PRG2: variants seen among roughly 807,000 people sequenced by gnomAD.
The protein encoded by PRG2 is proteoglycan 2, pro eosinophil major basic protein.
Under a neutral mutation model 24.7 loss-of-function variants are expected in PRG2, and 23 were observed. The observed-to-expected ratio is 0.93, with a 90% CI of 0.67 to 1.32. PRG2 has a LOEUF of 1.32. PRG2 is among the 40% of genes most tolerant of loss of function. PRG2 has a pLI of 0.00. For synonymous variants in PRG2, 104 were observed against 99.8 expected (o/e 1.04, Z -0.25); for missense variants, 271 against 280.9 (o/e 0.96, Z 0.25).
intron 1 of PRG2, 142 bp downstream of exon 1, chr11:57,390,453 GA>G: frequency 2.8e-6 from 1 of 359,024 alleles, no homozygotes; most frequent in Non-Finnish European, 3.9e-6. Context: ...GGCAGAGGAT[GA>G]AGGCTGCCCC....
At chr11:57,388,443 T>G in intron 4 of PRG2, 134 bp downstream of exon 4, 1 of 1,345,456 alleles carries the variant, frequency 7.4e-7, no homozygotes, top group Non-Finnish European at 1.0e-6. Flanking sequence ...GCCCCCTCAG[T>G]GTTGTCTGTG....
chr11:57,389,357 C>T (rs1590658322), intron 2 of PRG2, 40 bp from the exon 3 acceptor site: 2 of 1,577,226 alleles, frequency 1.3e-6, no homozygotes, highest in Non-Finnish European at 1.7e-6. Flanking sequence ...CTTCACATCT[C>T]CCCTTGTTCC....
Position 57,389,111 on chromosome 11 carries a change from A to C in PRG2, c.265T>G (p.Cys89Gly). Residue 89 changes from cysteine (C) to glycine (G), a missense_variant, in exon 3 of 6, where the codon TGT becomes GGT. Coordinates refer to ENST00000311862, the MANE Select transcript of PRG2 (RefSeq NM_002728.6). The part of the protein sequence containing the change: ...VPDMVDKNLT[C>G]PEEEDTVKVV... ...TTTACTGTGTCCTCTTCCTCAGGACACGTAAGGTTTTTGTCCACCATATCT... is the reference window on the plus strand; with the variant it reads ...TTTACTGTGTCCTCTTCCTCAGGACCCGTAAGGTTTTTGTCCACCATATCT... 1 of 1,614,122 alleles carries C rather than the reference A, an allele frequency of 6.2e-7. No homozygotes were observed. Among genetic ancestry groups the C allele is most frequent in the Non-Finnish European group, 8.5e-7 (1 of 1,180,022 alleles).
rs1179666894 is a variant in PRG2 at position 57,389,022 on chromosome 11, A to G, written c.354T>C (p.Phe118=). 2 of 1,613,700 alleles carry G rather than the reference A, an allele frequency of 1.2e-6. No homozygotes were observed. The highest frequency in any genetic ancestry group is 2.2e-5 in the East Asian group (1 of 44,894). Residue 118 remains phenylalanine, a synonymous_variant, in exon 3 of 6, where the codon TTT becomes TTC. Coordinates refer to ENST00000311862, the MANE Select transcript of PRG2 (RefSeq NM_002728.6). ...ATAGGCCACTCACCCAAGCTTGACT[A>G]AACGTCTGAAGACTTCTCACCAGGA... ...RYLLVRSLQT[F]SQAWFTCRRC... is the part of the protein sequence containing the mutation.
intron 1 of PRG2, among the ~76,000 whole-genome samples, chr11:57,390,192 T>A (rs774992208): frequency 1.3e-4 from 20 of 152,202 alleles, no homozygotes; most frequent in Non-Finnish European, 2.5e-4. Context: ...TGAGGCTGGC[T>A]TTCCTTCAGG....
chr11:57,387,422 G>A lies in PRG2; in HGVS notation c.*53C>T. 2 of 1,500,358 alleles carry A rather than the reference G, an allele frequency of 1.3e-6. No individual in the cohort carries two copies. The highest frequency in any genetic ancestry group is 9.2e-7 in the Non-Finnish European group (1 of 1,092,174). The allele number at this position is 1,500,358 out of a possible 1,614,324, so 92.9% of individuals were successfully genotyped here. On this transcript the variant is annotated 3_prime_UTR_variant, in exon 6 of 6. Transcript: ENST00000311862. ...GGAGGGAGGGATGGCAAGCAGAGGAGGGGAGGCAGCTGCCCAGGAGAGGGC... is the reference window on the plus strand; with the variant it reads ...GGAGGGAGGGATGGCAAGCAGAGGAAGGGAGGCAGCTGCCCAGGAGAGGGC...
rs142628389 is a variant in PRG2, at chr11:57,389,228, G to T, written c.148C>A (p.Pro50Thr). 385 of 1,613,988 alleles carry T rather than the reference G, an allele frequency of 2.4e-4. No homozygotes were observed. Among genetic ancestry groups the T allele is most frequent in the Non-Finnish European group, 3.0e-4 (353 of 1,180,046 alleles). The change falls in exon 3 of 6, where the codon CCT becomes ACT. Residue 50 changes from proline (P) to threonine (T), a missense_variant. Transcript: ENST00000311862. The part of the protein sequence containing the change: ...ETPEQEMEET[P>T]CRELEEEEEW... Reference sequence around the variant, plus strand: ...TCCTCTTCCTCCAGCTCCCTGCAAGGGGTCTCCTCCATCTCCTGCTCTGGT... The same window carrying T: ...TCCTCTTCCTCCAGCTCCCTGCAAGTGGTCTCCTCCATCTCCTGCTCTGGT...
At position 57,388,492 on chromosome 11, in the gene PRG2, G is replaced by A. The variant is rs1441338421; in HGVS notation, c.498+85C>T. On this transcript the variant is annotated intron_variant, in intron 4 of 5. Transcript: ENST00000311862. ...CCCTGGTTCTTCTGGAGATTATACA[G>A]GAGAAAAACAGACAAATCTGATGCA... 3.2e-6 allele frequency: 5 copies of A among 1,572,486 alleles called. No individual in the cohort carries two copies. In the African/African-American group the frequency reaches 4.0e-5, roughly 13 times the overall value.
At chr11:57,389,468 CA>C in intron 2 of PRG2, 151 bp from the exon 3 acceptor site, 1 of 888,868 alleles carries the variant, frequency 1.1e-6, no homozygotes, top group Admixed American at 2.9e-5. Context: ...GAGGGGAACC[CA>C]AGCTGCCTGA....
At position 57,387,342 on chromosome 11, in the gene PRG2, G is replaced by A. The variant is rs878986902; in HGVS notation, c.*133C>T. ...TGAGGGCTAAGCAGAGTGGATCCGC[G>A]ATCAGAGGAGAAAATAAATCCATTT... is the stretch of plus-strand genomic sequence containing the variant. On this transcript the variant is annotated 3_prime_UTR_variant, in exon 6 of 6. Coordinates refer to ENST00000311862, the MANE Select transcript of PRG2 (RefSeq NM_002728.6). 84 of 773,726 alleles carry A rather than the reference G, an allele frequency of 1.1e-4. No individual in the cohort carries two copies. In the South Asian group the frequency reaches 1.3e-3, roughly 12 times the overall value. The allele number at this position is 773,726 out of a possible 1,614,324, so 47.9% of individuals were successfully genotyped here.
chr11:57,387,613 C>A, intron 5 of PRG2, 80 bp from the exon 6 acceptor site: 6 of 1,458,166 alleles, frequency 4.1e-6, no homozygotes, highest in East Asian at 2.3e-5. Flanking sequence ...TTTTCCCACC[C>A]ACACACTGCT....
chr11:57,389,234 C>T lies in PRG2; in HGVS notation c.142G>A (p.Glu48Lys). ...TCCTCCAGCTCCCTGCAAGGGGTCT[C>T]CTCCATCTCCTGCTCTGGTGTCTCC... Reference protein sequence around the residue: ...DEETPEQEMEETPCRELEEEE... With the variant: ...DEETPEQEMEKTPCRELEEEE... The change falls in exon 3 of 6, where the codon GAG becomes AAG. Residue 48 changes from glutamate to lysine, a missense_variant. Coordinates refer to ENST00000311862, the MANE Select transcript of PRG2 (RefSeq NM_002728.6). 1 of 1,614,244 alleles carries T rather than the reference C, an allele frequency of 6.2e-7. No homozygotes were observed. The highest frequency in any genetic ancestry group is 8.5e-7 in the Non-Finnish European group (1 of 1,180,058).
chr11:57,387,627 G>A, intron 5 of PRG2, 94 bp from the exon 6 acceptor site: 1 of 1,413,796 alleles, frequency 7.1e-7, no homozygotes, highest in South Asian at 1.3e-5. Context: ...CACTGCTGTG[G>A]AGTCAGAGTA....
At chr11:57,389,359 C>T (rs780450365) in intron 2 of PRG2, 42 bp from the exon 3 acceptor site, 10 of 1,573,412 alleles carry the variant, frequency 6.4e-6, no homozygotes, top group Non-Finnish European at 8.6e-6. Context: ...TCACATCTCC[C>T]CTTGTTCCTC....
Position 57,387,792 on chromosome 11 carries a change from C to A in PRG2, c.572G>T (p.Trp191Leu). ...NFAYWAAHQP[W>L]SRGGHCVALC... ...GGCCACGCAGTGACCACCGCGGGAC[C>A]AGGGCTGGTGAGCAGCCCAGTATGC... The change falls in exon 5 of 6, where the codon TGG becomes TTG. Residue 191 changes from tryptophan (W) to leucine (L), a missense_variant. Coordinates refer to ENST00000311862, the MANE Select transcript of PRG2 (RefSeq NM_002728.6). The A allele has an allele frequency of 6.3e-7, 1 of 1,593,300 alleles. No homozygotes were observed. The highest frequency in any genetic ancestry group is 8.5e-7 in the Non-Finnish European group (1 of 1,170,648).
At position 57,389,150 on chromosome 11, in the gene PRG2, A is replaced by G; in HGVS notation, c.226T>C (p.Ser76Pro). The G allele has an allele frequency of 6.2e-7, 1 of 1,614,078 alleles. No homozygotes were observed. The highest frequency in any genetic ancestry group is 8.5e-7 in the Non-Finnish European group (1 of 1,180,020). Residue 76 changes from serine (S) to proline (P), a missense_variant, in exon 3 of 6, where the codon TCT becomes CCT. By Grantham distance (74) the Ser-to-Pro change is moderately conservative (BLOSUM62 -1). Coordinates refer to ENST00000311862, the MANE Select transcript of PRG2 (RefSeq NM_002728.6). ...TCCACCATATCTGGCACTGAGATAGACTCAACAGCCCCATCTTTCTTGGAG... is the reference window on the plus strand; with the variant it reads ...TCCACCATATCTGGCACTGAGATAGGCTCAACAGCCCCATCTTTCTTGGAG... ...DASKKDGAVE[S>P]ISVPDMVDKN...
intron 3 of PRG2, 135 bp downstream of exon 3, chr11:57,388,875 C>G (rs1357008527): frequency 7.0e-7 from 1 of 1,427,068 alleles, no homozygotes; most frequent in Non-Finnish European, 9.4e-7. Flanking sequence ...CTTACCCCAA[C>G]ACCTCTCTGA....
rs765892063 is a variant in PRG2, at chr11:57,389,854, GAGAA to G, written c.58+29_58+32del. On this transcript the variant is annotated intron_variant, in intron 2 of 5. Coordinates refer to ENST00000311862, the MANE Select transcript of PRG2 (RefSeq NM_002728.6). Reference sequence around the variant, plus strand: ...ATCTACCATAGAAAGGGAAAAAACAGAGAAAGAAAGACTGAAGGCAAAAAACACT... The same window carrying G: ...ATCTACCATAGAAAGGGAAAAAACAGAGAAAGACTGAAGGCAAAAAACACT... 13 of 1,562,516 alleles carry G rather than the reference GAGAA, an allele frequency of 8.3e-6. No homozygotes were observed. In the Admixed American group the frequency reaches 8.6e-5, roughly 10 times the overall value.
Position 57,387,397 on chromosome 11 carries a change from G to T in PRG2, c.*78C>A. On this transcript the variant is annotated 3_prime_UTR_variant, in exon 6 of 6. Coordinates refer to ENST00000311862, the MANE Select transcript of PRG2 (RefSeq NM_002728.6). ...AAAACCCATTTTATTGCAGGGAGGT[G>T]GAGGGAGGGATGGCAAGCAGAGGAG... is the stretch of plus-strand genomic sequence containing the variant. The T allele has an allele frequency of 7.9e-7, 1 of 1,262,282 alleles. No individual in the cohort carries two copies. The highest frequency in any genetic ancestry group is 1.1e-6 in the Non-Finnish European group (1 of 884,292). 78.2% of individuals were successfully genotyped at this position (1,262,282 alleles called of 1,614,324 possible).
Sources: allele counts gnomAD v4.1 joint callset (sites outside exome capture counted in the v4.1 genomes callset), GRCh38; gene constraint gnomAD v4.1.1; transcripts MANE v1.5; gene names NCBI Gene and HGNC (gene_info 2026-07-23, HGNC 2026-07-21).